MGST1: variants seen among roughly 807,000 people sequenced by gnomAD.
MGST1 encodes the protein glutathione S-transferase 12.
A neutral mutation model predicts 8.9 loss-of-function variants in MGST1; 5 were observed. The observed-to-expected ratio is 0.56, with a 90% CI of 0.29 to 1.19. MGST1 has a LOEUF of 1.19. Ranked by LOEUF, MGST1 falls within the 50% of genes most tolerant of loss-of-function variation. The probability of loss-of-function intolerance (pLI) is 0.08; values close to 1 mark genes in which losing one functional copy is unlikely to be tolerated. For synonymous variants in MGST1, 54 were observed against 67.8 expected, an observed-to-expected ratio of 0.80 and a Z score of 1.00; for missense variants, 182 against 187.4, an observed-to-expected ratio of 0.97 and a Z score of 0.17.
At chr12:16,458,000 C>A (rs1314053689) in intron 4 of MGST1, among the ~76,000 whole-genome samples, 1 of 151,942 alleles carries the variant, frequency 6.6e-6, no homozygotes, top group Non-Finnish European at 1.5e-5. Flanking sequence ...TAATTTTTCC[C>A]TAGGAAAGCT....
chr12:16,408,784 T>C (rs1940717484), intron 1 of MGST1, among the ~76,000 whole-genome samples: 1 of 152,184 alleles, frequency 6.6e-6, no homozygotes, highest in Non-Finnish European at 1.5e-5. Context: ...CTCTTTTCTA[T>C]ATTTCCTCAT....
chr12:16,508,796 A>G (rs543190692), intron 4 of MGST1, among the ~76,000 whole-genome samples: 1 of 152,330 alleles, frequency 6.6e-6, no homozygotes, highest in East Asian at 1.9e-4. Context: ...AAGAACCATA[A>G]AAATGAAGAA....
At chr12:16,353,045 G>A (rs563058032) in intron 1 of MGST1, among the ~76,000 whole-genome samples, 94 of 145,926 alleles carry the variant, frequency 6.4e-4, no homozygotes, top group Non-Finnish European at 1.3e-3. Flanking sequence ...TTTTTTTTTT[G>A]GAGGGGGAGA....
Position 16,362,233 on chromosome 12 carries a change from C to G in MGST1, c.222-1562C>G, listed in dbSNP as rs1940033093. ...AATGGTATTCCTGTCTTTTCTTTCC[C>G]ATCTCATTCTCAGTAGTACTTGTAT... On this transcript the variant is annotated intron_variant, in intron 3 of 3. Transcript: ENST00000396210. The surrounding 1 kb of genome is among the most constrained non-coding windows in gnomAD (Gnocchi z 4.4). Among the ~76,000 whole-genome samples the G allele has an allele frequency of 6.6e-6, 1 of 152,070 alleles. No individual in the cohort carries two copies. Among genetic ancestry groups the G allele is most frequent in the African/African-American group, 2.4e-5 (1 of 41,402 alleles).
intron 4 of MGST1, among the ~76,000 whole-genome samples, chr12:16,553,088 T>A (rs566435305): frequency 1.3e-5 from 2 of 152,132 alleles, no homozygotes; most frequent in Admixed American, 6.5e-5. Flanking sequence ...AATAGCCACC[T>A]TTTTATGCTT....
chr12:16,449,173 G>A (rs1184873938), intron 4 of MGST1, among the ~76,000 whole-genome samples: 1 of 151,940 alleles, frequency 6.6e-6, no homozygotes, highest in African/African-American at 2.4e-5. Context: ...TCTGCAGGCT[G>A]TACAGGAAGC....
At chr12:16,567,414 A>T (rs140685675) in intron 4 of MGST1, 1 of 152,632 alleles carries the variant, frequency 6.6e-6, no homozygotes, top group African/African-American at 2.4e-5. Context: ...CAGGGATAGA[A>T]TACGAGAAGT....
chr12:16,378,998 G>C (rs1591712012), downstream of MGST1, among the ~76,000 whole-genome samples: 1 of 152,032 alleles, frequency 6.6e-6, no homozygotes, highest in Non-Finnish European at 1.5e-5. Flanking sequence ...CATTGATTTT[G>C]TATCCTGAGA....
Position 16,361,456 on chromosome 12 carries a change from A to G in MGST1, c.222-2339A>G, listed in dbSNP as rs1325642040. On this transcript the variant is annotated intron_variant, in intron 3 of 3. Transcript: ENST00000396210. The surrounding 1 kb of genome is among the most constrained non-coding windows in gnomAD (Gnocchi z 4.2). Reference sequence around the variant, plus strand: ...GAAAGAAGAATGGGAAAATGTAATCATGGGGAAGAAGGGTAATAGACCCAG... The same window carrying G: ...GAAAGAAGAATGGGAAAATGTAATCGTGGGGAAGAAGGGTAATAGACCCAG... Among the ~76,000 whole-genome samples, 1 of 152,198 alleles carries G rather than the reference A, an allele frequency of 6.6e-6. No individual in the cohort carries two copies. The highest frequency in any genetic ancestry group is 1.5e-5 in the Non-Finnish European group (1 of 68,022).
At chr12:16,460,876 T>C (rs865959946) in intron 4 of MGST1, among the ~76,000 whole-genome samples, 6 of 152,252 alleles carry the variant, frequency 3.9e-5, no homozygotes, top group Middle Eastern at 3.4e-3. Context: ...TTAGGCTTTA[T>C]AGCAGGCTGT....
chr12:16,573,178 G>A (rs149154548), intron 4 of MGST1, among the ~76,000 whole-genome samples: 151 of 151,896 alleles, frequency 9.9e-4, no homozygotes, highest in African/African-American at 3.4e-3. Context: ...CTATTCATAA[G>A]TGCCCCGGAC....
In MGST1 at chr12:16,479,235, C is replaced by CTTTTTT. The variant is rs542448251; in HGVS notation, n.482+95645_482+95650dup. Among the ~76,000 whole-genome samples, 228 of 112,030 alleles carry CTTTTTT rather than the reference C, an allele frequency of 2.0e-3. 2 individuals are homozygous for CTTTTTT. The highest frequency in any genetic ancestry group is 2.7e-3 in the Non-Finnish European group (162 of 59,080). 73.5% of individuals were successfully genotyped at this position (112,030 alleles called of 152,430 possible). ...ATAACGTATTTTTAATAGACTGTATCTTTTTTTTTTTTTTTTTTTGACGGA... is the reference window on the plus strand; with the variant it reads ...ATAACGTATTTTTAATAGACTGTATCTTTTTTTTTTTTTTTTTTTTTTTTTGACGGA... On this transcript the variant is annotated intron_variant and non_coding_transcript_variant, in intron 4 of 4. Transcript: ENST00000538857.
chr12:16,520,800 T>C (rs575533404), intron 4 of MGST1, among the ~76,000 whole-genome samples: 1 of 152,278 alleles, frequency 6.6e-6, no homozygotes, highest in South Asian at 2.1e-4. Context: ...AGGAAACCAT[T>C]TGGAATTTGA....
downstream of MGST1, among the ~76,000 whole-genome samples, chr12:16,379,057 TG>T (rs1940423315): frequency 3.3e-5 from 5 of 152,040 alleles, no homozygotes; most frequent in Admixed American, 3.3e-4. Flanking sequence ...GCTGAGGCAA[TG>T]GGGTTTTCTA....
At position 16,426,041 on chromosome 12, in the gene MGST1, C is replaced by T. The variant is rs371487469; in HGVS notation, n.779-11347C>T. Among the ~76,000 whole-genome samples, 6 of 152,156 alleles carry T rather than the reference C, an allele frequency of 3.9e-5. No individual in the cohort carries two copies. The South Asian group carries it at 8.3e-4, about 21-fold the overall frequency. On this transcript the variant is annotated intron_variant and non_coding_transcript_variant, in intron 1 of 1. Coordinates refer to the MGST1 transcript ENST00000359720. ...AGACTCCTTATGGACTCCTTGATTC[C>T]ATTCTATTGTCTTGACCAGTAACCC...
intron 4 of MGST1, among the ~76,000 whole-genome samples, chr12:16,579,178 T>A (rs1424908819): frequency 6.6e-6 from 1 of 152,154 alleles, no homozygotes; most frequent in South Asian, 2.1e-4. Flanking sequence ...AAATTGTATA[T>A]ATATATTCCC....
At chr12:16,509,487 T>A (rs1022558029) in intron 4 of MGST1, among the ~76,000 whole-genome samples, 2 of 152,206 alleles carry the variant, frequency 1.3e-5, no homozygotes, top group Non-Finnish European at 2.9e-5. Context: ...ATAGCTTTAG[T>A]CATGCACAAC....
At chr12:16,492,156 A>C (rs1160082820) in intron 4 of MGST1, among the ~76,000 whole-genome samples, 1 of 152,226 alleles carries the variant, frequency 6.6e-6, no homozygotes. Flanking sequence ...TGGTAGATTC[A>C]AATTAGATTT....
At chr12:16,524,250 A>G (rs1166253080) in intron 4 of MGST1, among the ~76,000 whole-genome samples, 7 of 152,136 alleles carry the variant, frequency 4.6e-5, no homozygotes, top group African/African-American at 1.7e-4. Context: ...ATTAATATTC[A>G]TATCTATAAA....
Sources: gnomAD v4.1 joint callset for allele counts (sites outside exome capture counted in the v4.1 genomes callset) on GRCh38, gnomAD v4.1.1 for gene constraint, Gnocchi (gnomAD v3.1) non-coding constraint, MANE v1.5 for transcripts, NCBI Gene and HGNC (gene_info 2026-07-23, HGNC 2026-07-21) for gene names.